The following PPM1L variants were observed in gnomAD, a reference collection of about 807,000 sequenced individuals.
PPM1L encodes protein phosphatase, Mg2+/Mn2+ dependent 1L.
In PPM1L, 13 loss-of-function variants were observed where a neutral mutation model predicts 31.4. The observed-to-expected ratio is 0.41, with a 90% CI of 0.27 to 0.66. PPM1L has a LOEUF of 0.66. PPM1L is among the 30% of genes least tolerant of loss of function. The probability of loss-of-function intolerance (pLI) is 0.29; values close to 1 mark genes in which losing one functional copy is unlikely to be tolerated. For missense variants in PPM1L, 326 were observed against 453.7 expected, an observed-to-expected ratio of 0.72 and a Z score of 2.56; for synonymous variants, 184 against 175.4, an observed-to-expected ratio of 1.05 and a Z score of -0.39.
At chr3:160,910,191 C>CTGT (rs1713906320) in intron 1 of PPM1L, among the ~76,000 whole-genome samples, 2 of 145,036 alleles carry the variant, frequency 1.4e-5, no homozygotes, top group Non-Finnish European at 3.0e-5. Context: ...TTCCCCTTCC[C>CTGT]CTTCCCCTTC....
In PPM1L at chr3:160,926,425, A is replaced by G. The variant is rs117104992; in HGVS notation, c.400-35311A>G. Among the ~76,000 whole-genome samples, 18 of 152,336 alleles carry G rather than the reference A, an allele frequency of 1.2e-4. No individual in the cohort carries two copies. The East Asian group carries it at 2.9e-3, about 24-fold the overall frequency. On this transcript the variant is annotated intron_variant, in intron 1 of 3. Transcript: ENST00000498165. ...TGATAAATAGTAAACCTGGAACCAG[A>G]ACCCCTAATTCAGATCTCTTTCCAC...
chr3:161,018,265 T>C (rs1559926421), intron 2 of PPM1L, among the ~76,000 whole-genome samples: 1 of 152,186 alleles, frequency 6.6e-6, no homozygotes, highest in Non-Finnish European at 1.5e-5. Context: ...TAAAAGACCA[T>C]AACGCATCAA....
chr3:160,968,067 A>G (rs1716212810), intron 2 of PPM1L, among the ~76,000 whole-genome samples: 2 of 151,926 alleles, frequency 1.3e-5, no homozygotes, highest in Admixed American at 6.6e-5. Context: ...GAAGACCATC[A>G]CTCAGCTTTC....
At chr3:160,991,758 C>T (rs77608224) in intron 2 of PPM1L, among the ~76,000 whole-genome samples, 11,010 of 152,204 alleles carry the variant, frequency 0.072, 594 homozygotes, top group African/African-American at 0.13. Flanking sequence ...CAATCTTCAA[C>T]TGGAAATTGA....
At chr3:160,782,229 G>A (rs1374444147) in intron 1 of PPM1L, among the ~76,000 whole-genome samples, 2 of 151,764 alleles carry the variant, frequency 1.3e-5, no homozygotes, top group African/African-American at 2.4e-5. Context: ...CCTGTCTTCC[G>A]CAGAGTGTCA....
chr3:160,914,981 T>C (rs1366950083), intron 1 of PPM1L, among the ~76,000 whole-genome samples: 3 of 152,138 alleles, frequency 2.0e-5, no homozygotes, highest in Admixed American at 2.0e-4. Flanking sequence ...TGATCGCCAT[T>C]CTAACTGGTG....
At chr3:161,056,986 C>T (rs546352241) in intron 2 of PPM1L, among the ~76,000 whole-genome samples, 1 of 152,158 alleles carries the variant, frequency 6.6e-6, no homozygotes, top group African/African-American at 2.4e-5. Flanking sequence ...TCACTTGAAC[C>T]TAGGAGGCGG....
At chr3:161,024,188 CT>C (rs1718313240) in intron 2 of PPM1L, among the ~76,000 whole-genome samples, 1 of 148,880 alleles carries the variant, frequency 6.7e-6, no homozygotes, top group South Asian at 2.1e-4. Context: ...TCTCTTGAAC[CT>C]GGGAGGCAGA....
chr3:160,833,489 G>T (rs1048251037), intron 1 of PPM1L, among the ~76,000 whole-genome samples: 2 of 152,034 alleles, frequency 1.3e-5, no homozygotes, highest in African/African-American at 4.8e-5. Context: ...GCGTGAGATG[G>T]TATCTCATTG....
At chr3:160,930,902 C>A (rs1234307296) in intron 1 of PPM1L, among the ~76,000 whole-genome samples, 2 of 152,038 alleles carry the variant, frequency 1.3e-5, no homozygotes, top group African/African-American at 2.4e-5. Context: ...TTCAAGATTA[C>A]CCCTTGAATT....
At chr3:160,991,739 A>G (rs1717141459) in intron 2 of PPM1L, among the ~76,000 whole-genome samples, 1 of 152,136 alleles carries the variant, frequency 6.6e-6, no homozygotes. Context: ...CCATGTGCCA[A>G]TGAGAACCCA....
chr3:160,890,204 TTGTC>T (rs1713086456), intron 1 of PPM1L, among the ~76,000 whole-genome samples: 1 of 152,142 alleles, frequency 6.6e-6, no homozygotes. Context: ...GGAGGTCAAA[TTGTC>T]TGTTTGCAGA....
In PPM1L at chr3:161,073,701, A is replaced by G. The variant is rs1720010253; in HGVS notation, c.*4544A>G. 1 of 152,258 alleles carries G rather than the reference A, an allele frequency of 6.6e-6. No individual in the cohort carries two copies. Among genetic ancestry groups the G allele is most frequent in the Non-Finnish European group, 1.5e-5 (1 of 68,150 alleles). 9.4% of individuals were successfully genotyped at this position (152,258 alleles called of 1,614,324 possible). A position where few individuals can be genotyped will look rare whatever the true frequency, so the allele number is the denominator to read the frequency against. ...CTCAGCCTCCTGAGCAGCTGGGACT[A>G]CAGGCGGCCTCCACCACACCTGGCT... On this transcript the variant is annotated 3_prime_UTR_variant, in exon 4 of 4. Transcript: ENST00000498165.
At chr3:160,769,549 GT>G (rs1228176764) in intron 1 of PPM1L, among the ~76,000 whole-genome samples, 2 of 151,970 alleles carry the variant, frequency 1.3e-5, no homozygotes, top group African/African-American at 4.8e-5. Context: ...TCTAACTCAG[GT>G]TTTTTTCTCC....
intron 1 of PPM1L, among the ~76,000 whole-genome samples, chr3:160,817,866 A>C (rs1280309484): frequency 6.6e-6 from 1 of 151,978 alleles, no homozygotes. Context: ...TGGCCAGATA[A>C]GTATTCTCTT....
At chr3:160,955,682 G>A (rs1468610523) in intron 1 of PPM1L, among the ~76,000 whole-genome samples, 2 of 143,546 alleles carry the variant, frequency 1.4e-5, no homozygotes, top group African/African-American at 5.2e-5. Context: ...AGACAGTCTC[G>A]CTCTGTCGCC....
chr3:160,944,886 A>ATATAATATATG lies in PPM1L; in HGVS notation c.400-16849_400-16848insATAATATATGT, dbSNP rs199625635. On this transcript the variant is annotated intron_variant, in intron 1 of 3. Coordinates refer to ENST00000498165, the MANE Select transcript of PPM1L (RefSeq NM_139245.4). ...ATATAATGTTATATATAACATATAT[A>ATATAATATATG]TTATATATAACTGATGTTACATATA... Among the ~76,000 whole-genome samples the ATATAATATATG allele has an allele frequency of 1.3e-4, 6 of 46,896 alleles. 1 individual carries two copies. The highest frequency in any genetic ancestry group is 2.3e-4 in the Non-Finnish European group (4 of 17,698). 30.8% of individuals were successfully genotyped at this position (46,896 alleles called of 152,430 possible).
chr3:161,066,098 T>C (rs553495215), intron 3 of PPM1L, among the ~76,000 whole-genome samples: 2 of 152,228 alleles, frequency 1.3e-5, no homozygotes, highest in African/African-American at 2.4e-5. Flanking sequence ...TTACAATACA[T>C]GGACATACCT....
intron 1 of PPM1L, among the ~76,000 whole-genome samples, chr3:160,830,798 T>G (rs998969708): frequency 5.9e-5 from 9 of 152,220 alleles, no homozygotes; most frequent in African/African-American, 2.2e-4. Context: ...TTAAATAGTT[T>G]AAAAATAGTT....
Sources: gnomAD v4.1 joint callset for allele counts (sites outside exome capture counted in the v4.1 genomes callset) on GRCh38, gnomAD v4.1.1 for gene constraint, MANE v1.5 for transcripts, NCBI Gene and HGNC (gene_info 2026-07-23, HGNC 2026-07-21) for gene names.